SHANK2: variants seen among roughly 807,000 people sequenced by gnomAD.
The protein encoded by SHANK2 is SH3 and multiple ankyrin repeat domains 2.
Under a neutral mutation model 133.7 loss-of-function variants are expected in SHANK2, and 43 were observed. The observed-to-expected ratio is 0.32, with a 90% CI of 0.25 to 0.41. The LOEUF is 0.41. SHANK2 is among the 10% of genes least tolerant of loss of function. The probability of loss-of-function intolerance (pLI) is 1.00; values close to 1 mark genes in which losing one functional copy is unlikely to be tolerated. For synonymous variants in SHANK2, 1,017 were observed against 952.8 expected, an observed-to-expected ratio of 1.07 and a Z score of -1.24; for missense variants, 1,994 against 2,235.8, an observed-to-expected ratio of 0.89 and a Z score of 2.18.
intron 14 of SHANK2, among the ~76,000 whole-genome samples, chr11:70,797,673 T>A (rs1947942517): frequency 6.6e-6 from 1 of 152,182 alleles, no homozygotes; most frequent in African/African-American, 2.4e-5. Context: ...GGCGGCAGGC[T>A]CCGCACAAGA....
At chr11:70,839,191 T>C (rs1292705495) in intron 11 of SHANK2, among the ~76,000 whole-genome samples, 1 of 152,240 alleles carries the variant, frequency 6.6e-6, no homozygotes, top group East Asian at 1.9e-4. Flanking sequence ...AGTCATCCAA[T>C]AGGCTCCTTC....
At chr11:71,122,282 G>A (rs1393231096) in intron 3 of SHANK2, among the ~76,000 whole-genome samples, 1 of 152,216 alleles carries the variant, frequency 6.6e-6, no homozygotes, top group Non-Finnish European at 1.5e-5. Flanking sequence ...TTAAGAAAAT[G>A]TGGCACATAT....
At chr11:70,795,407 CTT>C (rs71049944) in intron 14 of SHANK2, among the ~76,000 whole-genome samples, 14 of 128,432 alleles carry the variant, frequency 1.1e-4, no homozygotes, top group African/African-American at 8.8e-5. Context: ...CTTTCTTTTT[CTT>C]TTTTTTTTTT....
chr11:70,530,916 A>G (rs1487005541), intron 17 of SHANK2, among the ~76,000 whole-genome samples: 3 of 152,168 alleles, frequency 2.0e-5, no homozygotes, highest in African/African-American at 7.2e-5. Flanking sequence ...TTGTAATCCC[A>G]GCACCTTGGG....
At chr11:71,180,870 T>A (rs1416852591) in intron 2 of SHANK2, among the ~76,000 whole-genome samples, 2 of 151,862 alleles carry the variant, frequency 1.3e-5, no homozygotes, top group Admixed American at 6.6e-5. Flanking sequence ...CATCGGACAG[T>A]CCCTCCCCTC....
intron 11 of SHANK2, among the ~76,000 whole-genome samples, chr11:70,874,726 C>T (rs905729720): frequency 2.3e-4 from 35 of 151,238 alleles, no homozygotes; most frequent in Non-Finnish European, 4.4e-4. Flanking sequence ...CATCCACTGC[C>T]GTTTCAAATT....
rs782382277 is a variant in SHANK2, at chr11:70,487,296, G to A, written c.2997C>T (p.Ala999=). ...TGGCGGGCTTGGCGGGGACGTAGAC[G>A]GCTTTGCTGGCGATCTTCCCCACCT... ...YSEVGKIASK[A]VYVPAKPARR... Residue 999 remains alanine, a synonymous_variant, in exon 25 of 26, where the codon GCC becomes GCT. Transcript: ENST00000601538. This position sits in a 1 kb window ranked among gnomAD's most constrained non-coding sequence, Gnocchi z 5.8. 3.7e-6 allele frequency: 6 copies of A among 1,614,196 alleles called. No individual in the cohort carries two copies. The highest frequency in any genetic ancestry group is 5.1e-6 in the Non-Finnish European group (6 of 1,180,042).
At chr11:70,608,093 T>C (rs782492291) in intron 17 of SHANK2, among the ~76,000 whole-genome samples, 56 of 152,316 alleles carry the variant, frequency 3.7e-4, no homozygotes, top group Non-Finnish European at 6.5e-4. Flanking sequence ...TAAAGGTAAA[T>C]GTGCCAGCTG....
chr11:71,226,216 A>G (rs1246028108), intron 1 of SHANK2, among the ~76,000 whole-genome samples: 1 of 152,228 alleles, frequency 6.6e-6, no homozygotes, highest in Non-Finnish European at 1.5e-5. Context: ...GAGGGGACAG[A>G]GGAAATAATC....
At chr11:71,153,095 A>G (rs540254709) in intron 2 of SHANK2, among the ~76,000 whole-genome samples, 98 of 152,288 alleles carry the variant, frequency 6.4e-4, no homozygotes, top group African/African-American at 2.2e-3. Context: ...TGGGAGAGCC[A>G]GGGGGGCTGG....
chr11:70,481,679 C>T (rs560622567), intron 25 of SHANK2, among the ~76,000 whole-genome samples: 4 of 152,356 alleles, frequency 2.6e-5, no homozygotes, highest in South Asian at 4.1e-4. Context: ...TCTTTTTCCT[C>T]GGTAGGAATT....
At chr11:70,587,957 A>T (rs2060275979) in intron 17 of SHANK2, among the ~76,000 whole-genome samples, 2 of 152,228 alleles carry the variant, frequency 1.3e-5, no homozygotes, top group South Asian at 2.1e-4. Context: ...TTCTTGTAAC[A>T]TTTCAAACTT....
intron 17 of SHANK2, among the ~76,000 whole-genome samples, chr11:70,616,724 T>C (rs1209307506): frequency 6.6e-5 from 10 of 151,790 alleles, no homozygotes; most frequent in African/African-American, 2.4e-4. Context: ...AGGCTGGGAG[T>C]GCCAGAAGGG....
At chr11:71,247,798 C>G (rs1050191481) in intron 1 of SHANK2, among the ~76,000 whole-genome samples, 1 of 152,186 alleles carries the variant, frequency 6.6e-6, no homozygotes, top group Non-Finnish European at 1.5e-5. Context: ...ATTCCATTCA[C>G]ACGCCCCTCA....
intron 17 of SHANK2, among the ~76,000 whole-genome samples, chr11:70,583,511 T>C (rs138234285): frequency 6.6e-6 from 1 of 152,306 alleles, no homozygotes; most frequent in African/African-American, 2.4e-5. Flanking sequence ...TGAGCTCTGA[T>C]TCTTGCAAGG....
intron 3 of SHANK2, among the ~76,000 whole-genome samples, chr11:71,143,444 G>A (rs1404166880): frequency 4.9e-4 from 74 of 152,292 alleles, no homozygotes; most frequent in Middle Eastern, 3.4e-3. Context: ...CCCGATGCGC[G>A]GGTTCCCACG....
chr11:71,248,912 C>T (rs533526329), intron 1 of SHANK2, among the ~76,000 whole-genome samples: 344 of 152,344 alleles, frequency 2.3e-3, no homozygotes, highest in Non-Finnish European at 2.9e-3. Flanking sequence ...TGTCCAGTCA[C>T]GCCTCTTCCT....
chr11:70,626,682 G>A (rs954980603), intron 17 of SHANK2, among the ~76,000 whole-genome samples: 1 of 152,208 alleles, frequency 6.6e-6, no homozygotes, highest in East Asian at 1.9e-4. Context: ...TCCAGCCCTG[G>A]ACCAGAGGCT....
intron 1 of SHANK2, among the ~76,000 whole-genome samples, chr11:71,227,396 C>T (rs1954658981): frequency 6.6e-6 from 1 of 151,858 alleles, no homozygotes; most frequent in South Asian, 2.1e-4. Context: ...CTTATACAAA[C>T]AGAAGTCAAA....
Sources: allele counts gnomAD v4.1 joint callset (sites outside exome capture counted in the v4.1 genomes callset), GRCh38; gene constraint gnomAD v4.1.1; non-coding constraint Gnocchi (gnomAD v3.1); transcripts MANE v1.5; gene names NCBI Gene and HGNC (gene_info 2026-07-23, HGNC 2026-07-21).